DLGAP1: variants seen among roughly 807,000 people sequenced by gnomAD.
The protein encoded by DLGAP1 is DLG associated protein 1.
Under a neutral mutation model 90.8 loss-of-function variants are expected in DLGAP1, and 11 were observed. That is an observed-to-expected ratio of 0.12 (90% CI 0.08 to 0.20). The LOEUF is 0.20. Ranked by LOEUF, DLGAP1 falls within the 10% of genes least tolerant of loss-of-function variation. DLGAP1 has a pLI of 1.00. For missense variants in DLGAP1, 1,050 were observed against 1,333.8 expected (o/e 0.79, Z 3.31); for synonymous variants, 558 against 540.7 (o/e 1.03, Z -0.44).
intron 2 of DLGAP1, among the ~76,000 whole-genome samples, chr18:4,053,978 TA>T (rs2075175743): frequency 6.6e-6 from 1 of 152,230 alleles, no homozygotes; most frequent in Non-Finnish European, 1.5e-5. Flanking sequence ...TCCAGAAATC[TA>T]AAAACTGGTC....
chr18:3,663,034 G>A (rs1266632303), intron 7 of DLGAP1, among the ~76,000 whole-genome samples: 2 of 152,172 alleles, frequency 1.3e-5, no homozygotes, highest in Non-Finnish European at 2.9e-5. Context: ...CACTTTGGGA[G>A]GCCAAGATGG....
chr18:3,804,332 G>C (rs2066466828), intron 5 of DLGAP1, among the ~76,000 whole-genome samples: 1 of 152,164 alleles, frequency 6.6e-6, no homozygotes, highest in Non-Finnish European at 1.5e-5. Context: ...GATCATTGAA[G>C]AACACCCTTC....
At chr18:3,509,000 C>T (rs1186230328) in intron 10 of DLGAP1, among the ~76,000 whole-genome samples, 9 of 148,576 alleles carry the variant, frequency 6.1e-5, no homozygotes, top group Non-Finnish European at 1.0e-4. Flanking sequence ...TTTTTTTAAA[C>T]TTCCTTTACC....
At chr18:3,651,667 G>A (rs1308505594) in intron 7 of DLGAP1, among the ~76,000 whole-genome samples, 6 of 151,152 alleles carry the variant, frequency 4.0e-5, no homozygotes, top group African/African-American at 9.7e-5. Context: ...AGTGGTTCAC[G>A]CCTGTAATCC....
At chr18:4,225,854 CAG>C (rs970270782) in intron 1 of DLGAP1, among the ~76,000 whole-genome samples, 9 of 151,640 alleles carry the variant, frequency 5.9e-5, no homozygotes, top group South Asian at 2.1e-4. Flanking sequence ...TTAAAAAGGA[CAG>C]AGAGAGAGAG....
At chr18:4,286,327 C>G (rs1350477805) in intron 1 of DLGAP1, among the ~76,000 whole-genome samples, 1 of 152,136 alleles carries the variant, frequency 6.6e-6, no homozygotes, top group Non-Finnish European at 1.5e-5. Context: ...AGGCAGACCC[C>G]TCACTACAAG....
At chr18:3,504,425 C>T (rs2050107147) in intron 11 of DLGAP1, among the ~76,000 whole-genome samples, 1 of 152,110 alleles carries the variant, frequency 6.6e-6, no homozygotes. Context: ...GCTCTTGTCG[C>T]CCACGCTGGA....
intron 4 of DLGAP1, among the ~76,000 whole-genome samples, chr18:3,851,263 T>C (rs1598999472): frequency 1.3e-5 from 2 of 152,184 alleles, no homozygotes; most frequent in Admixed American, 1.3e-4. Flanking sequence ...GGAGGGTAAA[T>C]GGCAAATCTC....
intron 1 of DLGAP1, among the ~76,000 whole-genome samples, chr18:4,171,507 G>A (rs1219094426): frequency 6.6e-6 from 1 of 151,542 alleles, no homozygotes; most frequent in Non-Finnish European, 1.5e-5. Context: ...GAAGCTTGCA[G>A]TGAGCCGAGA....
intron 1 of DLGAP1, among the ~76,000 whole-genome samples, chr18:4,375,502 G>T (rs1286171568): frequency 6.6e-6 from 1 of 152,104 alleles, no homozygotes; most frequent in African/African-American, 2.4e-5. Context: ...GTGATAAATA[G>T]ATTTAAGTTT....
intron 4 of DLGAP1, among the ~76,000 whole-genome samples, chr18:3,839,181 T>C (rs1430303024): frequency 6.6e-6 from 1 of 152,238 alleles, no homozygotes; most frequent in Non-Finnish European, 1.5e-5. Flanking sequence ...ATGATAACTA[T>C]GCCCACAGGG....
At chr18:3,960,864 C>T (rs1161656452) in intron 3 of DLGAP1, among the ~76,000 whole-genome samples, 3 of 152,230 alleles carry the variant, frequency 2.0e-5, no homozygotes, top group Non-Finnish European at 4.4e-5. Flanking sequence ...TTGGAGTTGA[C>T]TGGCCCTCAT....
intron 1 of DLGAP1, among the ~76,000 whole-genome samples, chr18:4,427,981 A>G (rs901579362): frequency 6.6e-6 from 1 of 152,224 alleles, no homozygotes; most frequent in African/African-American, 2.4e-5. Flanking sequence ...ATCTCTGATC[A>G]AAGAAGGTAT....
chr18:3,739,991 G>C (rs2147622715), intron 6 of DLGAP1, among the ~76,000 whole-genome samples: 1 of 152,312 alleles, frequency 6.6e-6, no homozygotes. Context: ...GCTATCATTA[G>C]AAAGTGATGT....
At chr18:3,952,810 A>G (rs906743042) in intron 3 of DLGAP1, among the ~76,000 whole-genome samples, 5 of 152,230 alleles carry the variant, frequency 3.3e-5, no homozygotes, top group African/African-American at 1.2e-4. Flanking sequence ...ATGGAAAACA[A>G]TTATAGGCAG....
intron 3 of DLGAP1, among the ~76,000 whole-genome samples, chr18:3,900,065 T>C (rs1485302687): frequency 6.6e-6 from 1 of 152,106 alleles, no homozygotes; most frequent in African/African-American, 2.4e-5. Context: ...TGTTTATAAG[T>C]ACAAATATGA....
chr18:3,872,212 G>C (rs2070787845), intron 4 of DLGAP1, among the ~76,000 whole-genome samples: 1 of 133,788 alleles, frequency 7.5e-6, no homozygotes, highest in African/African-American at 2.8e-5. Context: ...AATCACGTGA[G>C]TGCTCTCCAA....
intron 1 of DLGAP1, among the ~76,000 whole-genome samples, chr18:4,329,815 T>C (rs551069581): frequency 4.6e-5 from 7 of 152,192 alleles, no homozygotes; most frequent in Non-Finnish European, 8.8e-5. Context: ...TTAATGTTCA[T>C]GAGAGATATT....
At chr18:4,174,115 T>C (rs1338966108) in intron 1 of DLGAP1, among the ~76,000 whole-genome samples, 1 of 152,124 alleles carries the variant, frequency 6.6e-6, no homozygotes, top group Non-Finnish European at 1.5e-5. Context: ...GGACATTTTA[T>C]TCAGTGCTTC....
Sources: allele counts gnomAD v4.1 joint callset (sites outside exome capture counted in the v4.1 genomes callset), GRCh38; gene constraint gnomAD v4.1.1; transcripts MANE v1.5; gene names NCBI Gene and HGNC (gene_info 2026-07-23, HGNC 2026-07-21).